PTPRD: variants seen among roughly 807,000 people sequenced by gnomAD.
PTPRD encodes receptor-type tyrosine-protein phosphatase delta.
PTPRD carries 34 observed loss-of-function variants against 214.5 expected under a neutral mutation model. The ratio of observed to expected loss-of-function variants is 0.16; its 90% CI spans 0.12 to 0.21. The LOEUF is 0.21. Among genes scored for constraint, PTPRD ranks in the 10% least tolerant of loss-of-function variants. PTPRD has a pLI of 1.00. For synonymous variants in PTPRD, 1,128 were observed against 845.7 expected (o/e 1.33, Z -5.79); for missense variants, 2,545 against 2,398.7 (o/e 1.06, Z -1.27).
At chr9:8,521,159 C>A (rs1282280673) in intron 20 of PTPRD, 118 bp downstream of exon 20, 2 of 1,207,488 alleles carry the variant, frequency 1.7e-6, no homozygotes, top group East Asian at 2.5e-5. Context: ...AGGTTATACA[C>A]ACATTTAAAA....
At chr9:8,598,809 G>C (rs1161642183) in intron 14 of PTPRD, among the ~76,000 whole-genome samples, 1 of 152,166 alleles carries the variant, frequency 6.6e-6, no homozygotes, top group African/African-American at 2.4e-5. Context: ...TAAAATGCTT[G>C]GGTTATCAAT....
At chr9:8,548,883 G>A (rs1028315839) in intron 14 of PTPRD, among the ~76,000 whole-genome samples, 3 of 151,526 alleles carry the variant, frequency 2.0e-5, no homozygotes, top group Non-Finnish European at 2.9e-5. Flanking sequence ...TAGTAGAGAC[G>A]GGGTTTCTCC....
At chr9:8,871,656 T>C (rs1210705846) in intron 11 of PTPRD, among the ~76,000 whole-genome samples, 6 of 152,132 alleles carry the variant, frequency 3.9e-5, no homozygotes, top group South Asian at 2.1e-4. Flanking sequence ...GACATGATCA[T>C]AGCAGTGGGA....
At position 9,854,095 on chromosome 9, in the gene PTPRD, T is replaced by C. The variant is rs564757627; in HGVS notation, c.-368+84412A>G. ...CATGCAACAGAACATCACCACTTACTCCTCCTATCTAATTGTAGTCTTGTA... is the reference window on the plus strand; with the variant it reads ...CATGCAACAGAACATCACCACTTACCCCTCCTATCTAATTGTAGTCTTGTA... On this transcript the variant is annotated intron_variant, in intron 5 of 45. Coordinates refer to ENST00000381196, the MANE Select transcript of PTPRD (RefSeq NM_002839.4). 1.6e-4 allele frequency among the ~76,000 whole-genome samples: 25 copies of C among 152,254 alleles called. No homozygotes were observed. In the East Asian group the frequency reaches 4.8e-3, roughly 29 times the overall value.
intron 9 of PTPRD, among the ~76,000 whole-genome samples, chr9:9,306,592 C>T (rs1042047066): frequency 6.9e-6 from 1 of 145,634 alleles, no homozygotes; most frequent in Admixed American, 6.8e-5. Flanking sequence ...AAAAAAAATC[C>T]ATCTTTTCTT....
chr9:8,447,484 C>T (rs902690478), intron 34 of PTPRD, among the ~76,000 whole-genome samples: 2 of 152,094 alleles, frequency 1.3e-5, no homozygotes, highest in African/African-American at 2.4e-5. Flanking sequence ...AATTAAATTG[C>T]TAATAGAATT....
chr9:9,059,305 A>C (rs2099702941), intron 10 of PTPRD, among the ~76,000 whole-genome samples: 1 of 152,236 alleles, frequency 6.6e-6, no homozygotes, highest in South Asian at 2.1e-4. Context: ...AATGGCCCAT[A>C]ATATGGCTCA....
At chr9:9,037,186 C>T (rs1390640231) in intron 10 of PTPRD, among the ~76,000 whole-genome samples, 1 of 152,040 alleles carries the variant, frequency 6.6e-6, no homozygotes, top group African/African-American at 2.4e-5. Flanking sequence ...AAAACAAATC[C>T]AGAATGTGGG....
chr9:9,369,492 T>C (rs1005698219), intron 9 of PTPRD, among the ~76,000 whole-genome samples: 15 of 152,140 alleles, frequency 9.9e-5, no homozygotes, highest in Non-Finnish European at 1.5e-4. Flanking sequence ...TGGAGTTCAT[T>C]GTAGATTCTG....
chr9:8,341,242 G>A lies in PTPRD; in HGVS notation c.4974C>T (p.Thr1658=). The change falls in exon 41 of 46, where the codon ACC becomes ACT. Residue 1658 remains threonine, a synonymous_variant. Transcript: ENST00000381196. Reference sequence around the variant, plus strand: ...GAAGATTGGCACTGATAAACCTTGAGGTGTGAGCTTTTGAGCTGGCTAGAC... The same window carrying A: ...GAAGATTGGCACTGATAAACCTTGAAGTGTGAGCTTTTGAGCTGGCTAGAC... ...FKRLASSKAH[T]SRFISANLPC... The A allele has an allele frequency of 6.2e-7, 1 of 1,610,820 alleles. No individual in the cohort carries two copies. Among genetic ancestry groups the A allele is most frequent in the Non-Finnish European group, 8.5e-7 (1 of 1,178,498 alleles).
chr9:10,446,952 A>G (rs937205162), intron 2 of PTPRD, among the ~76,000 whole-genome samples: 1 of 152,184 alleles, frequency 6.6e-6, no homozygotes, highest in African/African-American at 2.4e-5. Flanking sequence ...AGAACTCCAT[A>G]TAAGTGCAAA....
At chr9:9,561,951 T>C (rs1459408401) in intron 8 of PTPRD, among the ~76,000 whole-genome samples, 2 of 152,172 alleles carry the variant, frequency 1.3e-5, no homozygotes, top group Admixed American at 1.3e-4. Flanking sequence ...AAATGTCATC[T>C]CTGTGCCACC....
chr9:10,306,403 C>G (rs904793164), intron 3 of PTPRD, among the ~76,000 whole-genome samples: 1 of 151,804 alleles, frequency 6.6e-6, no homozygotes, highest in African/African-American at 2.4e-5. Context: ...TGCACATGTA[C>G]CCCAAAACTT....
intron 3 of PTPRD, among the ~76,000 whole-genome samples, chr9:10,199,410 G>C (rs2099410767): frequency 6.6e-6 from 1 of 152,124 alleles, no homozygotes; most frequent in Non-Finnish European, 1.5e-5. Flanking sequence ...TGGGAAGTTT[G>C]ACAGTACTCA....
At chr9:9,125,928 G>A (rs1399723644) in intron 10 of PTPRD, among the ~76,000 whole-genome samples, 2 of 152,168 alleles carry the variant, frequency 1.3e-5, no homozygotes, top group Non-Finnish European at 2.9e-5. Context: ...CCAGCCAAGT[G>A]AACAGCAAGG....
chr9:10,448,349 C>T (rs948216443), intron 2 of PTPRD, among the ~76,000 whole-genome samples: 6 of 152,058 alleles, frequency 3.9e-5, no homozygotes, highest in Middle Eastern at 3.4e-3. Flanking sequence ...ATAGCTGCTG[C>T]TTTTGAGTGT....
rs117733500 is a variant in PTPRD at position 8,482,716 on chromosome 9, T to A, written c.3413+1403A>T. On this transcript the variant is annotated intron_variant, in intron 30 of 45. Coordinates refer to ENST00000381196, the MANE Select transcript of PTPRD (RefSeq NM_002839.4). ...TTGTCTAGAGGATATAGTTTTCACT[T>A]CTGGGTATACCCTTGGCTCTTGTAT... Among the ~76,000 whole-genome samples the A allele has an allele frequency of 5.0e-3, 758 of 152,348 alleles. 17 individuals carry two copies. The highest frequency in any genetic ancestry group is 0.046 in the East Asian group (236 of 5,172).
At chr9:9,616,336 A>G (rs139795302) in intron 7 of PTPRD, among the ~76,000 whole-genome samples, 1 of 152,300 alleles carries the variant, frequency 6.6e-6, no homozygotes, top group African/African-American at 2.4e-5. Context: ...AAATCTGGCA[A>G]GCCTACAAGA....
intron 3 of PTPRD, among the ~76,000 whole-genome samples, chr9:10,065,036 G>A (rs1225151751): frequency 2.0e-5 from 3 of 151,696 alleles, no homozygotes; most frequent in East Asian, 1.9e-4. Flanking sequence ...GGTATAAAAA[G>A]ATGTTTCAAA....
Sources: gnomAD v4.1 joint callset for allele counts (sites outside exome capture counted in the v4.1 genomes callset) on GRCh38, gnomAD v4.1.1 for gene constraint, MANE v1.5 for transcripts, NCBI Gene and HGNC (gene_info 2026-07-23, HGNC 2026-07-21) for gene names.